IPO7: variants seen among roughly 807,000 people sequenced by gnomAD.
IPO7 encodes importin-7.
IPO7 carries 13 observed loss-of-function variants against 136.4 expected under a neutral mutation model. The observed-to-expected ratio is 0.10, with a 90% CI of 0.06 to 0.15. The LOEUF is 0.15. IPO7 is among the 10% of genes least tolerant of loss of function. IPO7 has a pLI of 1.00. For synonymous variants in IPO7, 403 were observed against 404.4 expected (o/e 1.00, Z 0.04); for missense variants, 857 against 1,240.6 (o/e 0.69, Z 4.65).
Position 9,420,498 on chromosome 11 carries a change from T to C in IPO7, c.814T>C (p.Phe272Leu). ...KWALHILARL[F>L]ERYGSPGNVS... The stretch of plus-strand genomic sequence containing the variant: ...GGCCTTACATATTTTAGCAAGACTT[T>C]TTGAAAGGTAATCTCATCCATATAT... Residue 272 changes from phenylalanine to leucine, a missense_variant, in exon 7 of 25, where the codon TTT becomes CTT. This residue lies in a region of IPO7 where 287 missense variants were observed against 307.5 expected (regional missense o/e 0.93). Coordinates refer to ENST00000379719, the MANE Select transcript of IPO7 (RefSeq NM_006391.3). 6.2e-7 allele frequency: 1 copy of C among 1,608,814 alleles called. No homozygotes were observed. Among genetic ancestry groups the C allele is most frequent in the Non-Finnish European group, 8.5e-7 (1 of 1,175,482 alleles).
chr11:9,416,965 A>G (rs1855050023), intron 5 of IPO7, 94 bp from the exon 6 acceptor site: 5 of 570,434 alleles, frequency 8.8e-6, no homozygotes, highest in Non-Finnish European at 1.3e-5. Context: ...TGTGGATTGA[A>G]TGAAATACTT....
chr11:9,396,430 C>T (rs920719642), intron 1 of IPO7, among the ~76,000 whole-genome samples: 1 of 152,158 alleles, frequency 6.6e-6, no homozygotes, highest in African/African-American at 2.4e-5. Context: ...TTTCATAGTT[C>T]AGTGTTGTCG....
intron 4 of IPO7, among the ~76,000 whole-genome samples, chr11:9,413,343 T>C (rs1218770040): frequency 6.6e-6 from 1 of 152,182 alleles, no homozygotes; most frequent in Non-Finnish European, 1.5e-5. Context: ...ATGATGCTTT[T>C]AGAAATAAAA....
chr11:9,442,360 A>C (rs1397733911), intron 24 of IPO7, among the ~76,000 whole-genome samples, 163 bp downstream of exon 24: 1 of 152,190 alleles, frequency 6.6e-6, no homozygotes, highest in African/African-American at 2.4e-5. Context: ...GATTTAATTC[A>C]AGATAACTTA....
chr11:9,405,891 T>C (rs1452406380), intron 2 of IPO7, among the ~76,000 whole-genome samples: 1 of 151,886 alleles, frequency 6.6e-6, no homozygotes, highest in Non-Finnish European at 1.5e-5. Context: ...CTCCTTCTCT[T>C]CCTTCCTTTC....
intron 14 of IPO7, 40 bp downstream of exon 14, chr11:9,429,236 CAGGTGCGGT>C: frequency 6.5e-7 from 1 of 1,545,922 alleles, no homozygotes; most frequent in Non-Finnish European, 8.9e-7. Flanking sequence ...GAATGTTGGC[CAGGTGCGGT>C]AGGTCACACC....
Position 9,438,262 on chromosome 11 carries a change from A to G in IPO7, c.2672A>G (p.Glu891Gly). 3.8e-6 allele frequency: 6 copies of G among 1,571,442 alleles called. No homozygotes were observed. In the South Asian group the frequency reaches 6.6e-5, roughly 17 times the overall value. The change falls in exon 22 of 25, where the codon GAA (glutamate) becomes GGA (glycine). Residue 891 changes from glutamate to glycine, a missense_variant. This residue lies in a region of IPO7 where 119 missense variants were observed against 155.5 expected (regional missense o/e 0.77). Coordinates refer to ENST00000379719, the MANE Select transcript of IPO7 (RefSeq NM_006391.3). ...GAGAATGACAGTGATGATGATGATG[A>G]AGCTGAAGATGATGATGAAACCGGT... ...EHENDSDDDD[E>G]AEDDDETEEL...
At position 9,384,747 on chromosome 11, in the gene IPO7, A is replaced by G; in HGVS notation, c.-17A>G. On this transcript the variant is annotated 5_prime_UTR_variant, in exon 1 of 25. An upstream open reading frame in the 5' UTR loses its in-frame stop. Transcript: ENST00000379719. ...CAGTAGCACCCGAGCCCCGGGTTTGACCGAGTCCGCGCTGCGATGGACCCC... is the reference window on the plus strand; with the variant it reads ...CAGTAGCACCCGAGCCCCGGGTTTGGCCGAGTCCGCGCTGCGATGGACCCC... The G allele has an allele frequency of 2.5e-6, 4 of 1,584,120 alleles. No individual in the cohort carries two copies. The highest frequency in any genetic ancestry group is 3.4e-6 in the Non-Finnish European group (4 of 1,164,650).
At chr11:9,431,043 T>G (rs1238286508) in intron 16 of IPO7, 40 bp downstream of exon 16, 2 of 1,584,426 alleles carry the variant, frequency 1.3e-6, no homozygotes, top group African/African-American at 2.7e-5. Context: ...TCAAGCCATT[T>G]TATGCTTTTT....
At chr11:9,428,078 C>T (rs1333334759) in intron 12 of IPO7, among the ~76,000 whole-genome samples, 2 of 151,912 alleles carry the variant, frequency 1.3e-5, no homozygotes, top group South Asian at 4.1e-4. Context: ...CGAAATTGTG[C>T]CACTGCACTC....
intron 12 of IPO7, among the ~76,000 whole-genome samples, chr11:9,427,735 C>G (rs1343663018): frequency 6.6e-6 from 1 of 152,164 alleles, no homozygotes; most frequent in Non-Finnish European, 1.5e-5. Context: ...TAATACCTTA[C>G]ATAGGTAGGC....
intron 13 of IPO7, 70 bp from the exon 14 acceptor site, chr11:9,428,961 G>A (rs781702869): frequency 7.3e-7 from 1 of 1,370,994 alleles, no homozygotes; most frequent in Non-Finnish European, 1.0e-6. Flanking sequence ...ACAGAACTCA[G>A]GGAATAGAGA....
intron 4 of IPO7, among the ~76,000 whole-genome samples, chr11:9,412,393 A>G (rs1441027977): frequency 6.6e-6 from 1 of 152,228 alleles, no homozygotes; most frequent in Non-Finnish European, 1.5e-5. Flanking sequence ...GGGATGTGCT[A>G]TGGAAAACCA....
intron 1 of IPO7, among the ~76,000 whole-genome samples, chr11:9,392,572 C>T (rs1389675066): frequency 1.3e-5 from 2 of 152,094 alleles, no homozygotes; most frequent in Non-Finnish European, 2.9e-5. Flanking sequence ...CTTCTACCTC[C>T]TGTGTTCCTT....
intron 24 of IPO7, among the ~76,000 whole-genome samples, chr11:9,443,591 C>CA (rs55819044): frequency 0.041 from 2,806 of 69,274 alleles, 59 homozygotes; most frequent in Middle Eastern, 0.098. Context: ...AACTCCGTCT[C>CA]AAAAAAAAAA....
chr11:9,390,138 G>A (rs558232579), intron 1 of IPO7, among the ~76,000 whole-genome samples: 41 of 152,088 alleles, frequency 2.7e-4, no homozygotes, highest in Non-Finnish European at 5.4e-4. Context: ...TGATCCGTCC[G>A]TCTTGGCCTC....
At chr11:9,432,032 G>A (rs1855301380) in intron 16 of IPO7, among the ~76,000 whole-genome samples, 1 of 152,010 alleles carries the variant, frequency 6.6e-6, no homozygotes, top group Non-Finnish European at 1.5e-5. Context: ...AAAGCCCTCA[G>A]GGGACCACTT....
Position 9,414,255 on chromosome 11 carries a change from G to A in IPO7, c.480G>A (p.Glu160=), listed in dbSNP as rs764267656. The change falls in exon 5 of 25, where the codon GAG becomes GAA. Residue 160 remains glutamate (E), a splice_region_variant and synonymous_variant. Transcript: ENST00000379719. ...AATTAGTTTGTATTCCTACTCAAAG[G>A]TATAAAAAACCAGAGGAGCGGAGTC... ...LCLYQLVKNY[E]YKKPEERSPL... 2 of 1,604,840 alleles carry A rather than the reference G, an allele frequency of 1.2e-6. No individual in the cohort carries two copies. The highest frequency in any genetic ancestry group is 2.2e-5 in the East Asian group (1 of 44,734).
intron 1 of IPO7, among the ~76,000 whole-genome samples, chr11:9,397,341 A>ATATATATATATATATATATATATAT (rs1554952648): frequency 9.3e-5 from 1 of 10,762 alleles, no homozygotes; most frequent in Admixed American, 2.1e-3. Context: ...TTTAAAAAAA[A>ATATATATATATATATATATATATAT]ATATATATAT....
Sources: gnomAD v4.1 joint callset for allele counts (sites outside exome capture counted in the v4.1 genomes callset) on GRCh38, gnomAD v4.1.1 for gene constraint, gnomAD v4.1.1 regional missense constraint, MANE v1.5 for transcripts, NCBI Gene and HGNC (gene_info 2026-07-23, HGNC 2026-07-21) for gene names.